Variants in BTG4 observed in about 807,000 individuals in gnomAD.
The protein encoded by BTG4 is BTG anti-proliferation factor 4.
BTG4 carries 10 observed loss-of-function variants against 19.3 expected under a neutral mutation model. The ratio of observed to expected loss-of-function variants is 0.52; its 90% CI spans 0.32 to 0.88. The LOEUF is 0.88. Ranked by LOEUF, BTG4 falls within the 40% of genes least tolerant of loss-of-function variation. BTG4 has a pLI of 0.04. For missense variants in BTG4, 238 were observed against 281.9 expected, an observed-to-expected ratio of 0.84 and a Z score of 1.11; for synonymous variants, 91 against 95.7, an observed-to-expected ratio of 0.95 and a Z score of 0.29.
intron 1 of BTG4, among the ~76,000 whole-genome samples, chr11:111,505,319 C>T (rs1470553811): frequency 6.6e-6 from 1 of 151,914 alleles, no homozygotes; most frequent in African/African-American, 2.4e-5. Context: ...AATAAAGCTA[C>T]ATATATACAA....
At chr11:111,399,058 G>A in the BTG4 span, 1 of 152,212 alleles carries the variant, frequency 6.6e-6, no homozygotes, top group Non-Finnish European at 1.5e-5. Flanking sequence ...ATGTGGATGA[G>A]GCACAACCCC....
the BTG4 span, chr11:111,414,607 A>T: frequency 6.6e-6 from 1 of 152,268 alleles, no homozygotes; most frequent in African/African-American, 2.4e-5. Flanking sequence ...CAGGCTTATG[A>T]TTCTCTCCCA....
At chr11:111,450,117 T>G in the BTG4 span, 1 of 152,242 alleles carries the variant, frequency 6.6e-6, no homozygotes, top group African/African-American at 2.4e-5. Flanking sequence ...GAGGTCATTG[T>G]GTTCATGAAA....
chr11:111,478,562 G>T (rs1864536441), intron 5 of BTG4, among the ~76,000 whole-genome samples: 1 of 152,030 alleles, frequency 6.6e-6, no homozygotes, highest in Admixed American at 6.6e-5. Context: ...TTATGACAAA[G>T]ATTTTAAAGG....
chr11:111,383,972 A>C, the BTG4 span, among the ~76,000 whole-genome samples: 1 of 152,162 alleles, frequency 6.6e-6, no homozygotes, highest in African/African-American at 2.4e-5. Flanking sequence ...CAATTATGTT[A>C]TAGTTTCTGT....
the BTG4 span, among the ~76,000 whole-genome samples, chr11:111,438,759 T>C: frequency 6.6e-6 from 1 of 152,210 alleles, no homozygotes; most frequent in South Asian, 2.1e-4. Flanking sequence ...GGTGACCCCA[T>C]ACATTACCCT....
chr11:111,458,745 G>A, the BTG4 span, among the ~76,000 whole-genome samples: 1 of 152,010 alleles, frequency 6.6e-6, no homozygotes, highest in African/African-American at 2.4e-5. Context: ...AGAAGTAGGA[G>A]TGGCATCTTC....
intron 5 of BTG4, chr11:111,473,486 A>G (rs371011349): frequency 3.3e-4 from 50 of 152,592 alleles, no homozygotes; most frequent in African/African-American, 1.2e-3. Flanking sequence ...ACTATTATTT[A>G]TTATTGTGTT....
At chr11:111,393,387 C>A in the BTG4 span, among the ~76,000 whole-genome samples, 1 of 152,178 alleles carries the variant, frequency 6.6e-6, no homozygotes, top group Non-Finnish European at 1.5e-5. Flanking sequence ...CACCCTCAGG[C>A]AGCAGCAGCA....
At chr11:111,423,911 C>T in the BTG4 span, among the ~76,000 whole-genome samples, 3 of 152,082 alleles carry the variant, frequency 2.0e-5, no homozygotes, top group African/African-American at 7.2e-5. Context: ...CAGGGCCCTG[C>T]CAGAAGAGGA....
At chr11:111,442,720 A>C in the BTG4 span, among the ~76,000 whole-genome samples, 10 of 144,834 alleles carry the variant, frequency 6.9e-5, no homozygotes, top group Admixed American at 6.9e-4. Context: ...AAAAAAAAAA[A>C]CTCTCTATCT....
At chr11:111,481,014 G>T (rs552322871) in intron 5 of BTG4, among the ~76,000 whole-genome samples, 2 of 151,492 alleles carry the variant, frequency 1.3e-5, no homozygotes, top group African/African-American at 2.4e-5. Context: ...CTTTGGAAAG[G>T]TCAATAAAAT....
At chr11:111,404,810 T>TA in the BTG4 span, 1 of 372,194 alleles carries the variant, frequency 2.7e-6, no homozygotes, top group Non-Finnish European at 5.3e-6. Flanking sequence ...GGTATACAAT[T>TA]AGCAGCATGT....
the BTG4 span, chr11:111,455,466 C>A: frequency 8.6e-6 from 2 of 232,390 alleles, no homozygotes; most frequent in Admixed American, 9.4e-5. Flanking sequence ...AGCCAGCCTT[C>A]GTCACCAACT....
the BTG4 span, among the ~76,000 whole-genome samples, chr11:111,433,298 C>A: frequency 6.6e-6 from 1 of 152,128 alleles, no homozygotes; most frequent in Admixed American, 6.5e-5. Context: ...AAACAAGCAA[C>A]AGGGAAAGGA....
the BTG4 span, among the ~76,000 whole-genome samples, chr11:111,398,880 G>A: frequency 6.6e-6 from 1 of 152,064 alleles, no homozygotes; most frequent in African/African-American, 2.4e-5. Flanking sequence ...GGCCAAGGTT[G>A]AGAACCATGT....
At chr11:111,508,731 A>G (rs1185713692) in intron 1 of BTG4, among the ~76,000 whole-genome samples, 2 of 150,230 alleles carry the variant, frequency 1.3e-5, no homozygotes, top group African/African-American at 4.9e-5. Context: ...TTTTCATATA[A>G]CCATCTTGAT....
chr11:111,432,915 C>G, the BTG4 span, among the ~76,000 whole-genome samples: 4 of 151,814 alleles, frequency 2.6e-5, no homozygotes, highest in African/African-American at 9.7e-5. Flanking sequence ...TGGTCTCAAA[C>G]TCCTGAGCTC....
the BTG4 span, chr11:111,452,469 A>G: frequency 6.6e-6 from 1 of 152,142 alleles, no homozygotes; most frequent in Admixed American, 6.5e-5. Context: ...TGCCTCCACA[A>G]CTCCCAGGTA....
Sources: allele counts gnomAD v4.1 joint callset (sites outside exome capture counted in the v4.1 genomes callset), GRCh38; gene constraint gnomAD v4.1.1; transcripts MANE v1.5; gene names NCBI Gene and HGNC (gene_info 2026-07-23, HGNC 2026-07-21).